Variants in ZNF423 observed in about 807,000 individuals in gnomAD.
ZNF423 encodes the protein zinc finger protein 423, also known as Ebf-associated zinc finger protein.
A neutral mutation model predicts 95.8 loss-of-function variants in ZNF423; 12 were observed. The observed-to-expected ratio is 0.13, with a 90% CI of 0.08 to 0.20. The LOEUF (loss-of-function observed/expected upper bound fraction) is 0.20, where lower values mean the gene tolerates loss of function less well. Among genes scored for constraint, ZNF423 ranks in the 10% least tolerant of loss-of-function variants. The pLI is 1.00. For missense variants in ZNF423, 1,316 were observed against 1,737.1 expected (o/e 0.76, Z 4.31); for synonymous variants, 749 against 711.9 (o/e 1.05, Z -0.83).
At chr16:49,631,546 G>A (rs1219003541) in intron 4 of ZNF423, among the ~76,000 whole-genome samples, 1 of 152,194 alleles carries the variant, frequency 6.6e-6, no homozygotes, top group Non-Finnish European at 1.5e-5. Flanking sequence ...CAGCCCAGGA[G>A]AACTAGAGCT....
At chr16:49,850,948 G>A (rs970532703) in intron 1 of ZNF423, among the ~76,000 whole-genome samples, 1 of 152,262 alleles carries the variant, frequency 6.6e-6, no homozygotes, top group African/African-American at 2.4e-5. Flanking sequence ...ACAAGTCTCA[G>A]ACCATTGTTG....
intron 3 of ZNF423, among the ~76,000 whole-genome samples, chr16:49,699,111 A>T (rs1474559434): frequency 1.3e-5 from 2 of 152,210 alleles, no homozygotes; most frequent in Non-Finnish European, 2.9e-5. Flanking sequence ...TCTGCCAAGG[A>T]GCCGACAGGC....
intron 2 of ZNF423, among the ~76,000 whole-genome samples, chr16:49,780,254 G>A (rs905345492): frequency 6.6e-6 from 1 of 152,218 alleles, no homozygotes; most frequent in African/African-American, 2.4e-5. Flanking sequence ...CGACGAGGAA[G>A]CCAAGTACAG....
chr16:49,835,103 C>T lies in ZNF423; in HGVS notation c.40+20632G>A, dbSNP rs555537646. ...TTGGCTCTTGCCCCAGAAAGTCAGTCCTTCACTTTCTCCCACCCCCTGGCC... is the reference window on the plus strand; with the variant it reads ...TTGGCTCTTGCCCCAGAAAGTCAGTTCTTCACTTTCTCCCACCCCCTGGCC... On this transcript the variant is annotated intron_variant, in intron 1 of 7. Coordinates refer to ENST00000563137, the MANE Select transcript of ZNF423 (RefSeq NM_001379286.1). Among the ~76,000 whole-genome samples, 6 of 152,170 alleles carry T rather than the reference C, an allele frequency of 3.9e-5. No individual in the cohort carries two copies. The East Asian group carries it at 9.7e-4, about 24-fold the overall frequency.
rs145072834 is a variant in ZNF423, at chr16:49,830,662, C to T, written c.40+25073G>A. ...TCCTGGTCTTTGGACACTGATGTGT[C>T]GGGGGGTGATGTCTGGCACCACAGC... On this transcript the variant is annotated intron_variant, in intron 1 of 7. Transcript: ENST00000563137. 2.8e-3 allele frequency among the ~76,000 whole-genome samples: 431 copies of T among 152,148 alleles called. 5 individuals are homozygous for T. The highest frequency in any genetic ancestry group is 9.3e-3 in the African/African-American group (387 of 41,508).
intron 5 of ZNF423, among the ~76,000 whole-genome samples, chr16:49,540,497 C>T (rs979279965): frequency 1.4e-4 from 21 of 151,842 alleles, no homozygotes; most frequent in African/African-American, 5.1e-4. Context: ...CCCAGGCTGG[C>T]CTCAAACTTC....
intron 1 of ZNF423, among the ~76,000 whole-genome samples, chr16:49,844,612 A>G (rs1490845621): frequency 2.0e-5 from 3 of 152,166 alleles, no homozygotes; most frequent in Admixed American, 6.5e-5. Flanking sequence ...TCCACTCATC[A>G]CTTATGAATC....
At chr16:49,752,920 C>CA (rs943555190) in intron 2 of ZNF423, among the ~76,000 whole-genome samples, 13 of 152,164 alleles carry the variant, frequency 8.5e-5, no homozygotes, top group Admixed American at 8.5e-4. Context: ...ACCGCAGAGA[C>CA]AAAATCCACT....
intron 5 of ZNF423, among the ~76,000 whole-genome samples, chr16:49,586,678 C>T (rs1216623222): frequency 1.3e-5 from 2 of 151,670 alleles, no homozygotes; most frequent in Non-Finnish European, 3.0e-5. Flanking sequence ...GCCAGGGGAT[C>T]TCTTAGGAGG....
At chr16:49,739,036 G>A (rs1567320917) in intron 2 of ZNF423, among the ~76,000 whole-genome samples, 1 of 151,992 alleles carries the variant, frequency 6.6e-6, no homozygotes, top group Non-Finnish European at 1.5e-5. Flanking sequence ...GACTGTCGGG[G>A]ATGACAGAGA....
Position 49,489,473 on chromosome 16 carries a change from C to G in ZNF423, c.*1802G>C, listed in dbSNP as rs953760335. 6.6e-6 allele frequency: 1 copy of G among 152,240 alleles called. No homozygotes were observed. The highest frequency in any genetic ancestry group is 1.5e-5 in the Non-Finnish European group (1 of 68,056). 9.4% of individuals were successfully genotyped at this position (152,240 alleles called of 1,614,324 possible). A position where few individuals can be genotyped will look rare whatever the true frequency, so the allele number is the denominator to read the frequency against. ...GCCTTCAGTTTCCAGGAGGCAACAGCCCACTACTGGCAGGGTCTGCTCTAT... is the reference window on the plus strand; with the variant it reads ...GCCTTCAGTTTCCAGGAGGCAACAGGCCACTACTGGCAGGGTCTGCTCTAT... On this transcript the variant is annotated 3_prime_UTR_variant, in exon 8 of 8. Coordinates refer to ENST00000563137, the MANE Select transcript of ZNF423 (RefSeq NM_001379286.1).
chr16:49,692,017 G>A (rs1567293463), intron 3 of ZNF423, among the ~76,000 whole-genome samples: 2 of 151,890 alleles, frequency 1.3e-5, no homozygotes, highest in Admixed American at 6.6e-5. Flanking sequence ...TGGTGCAATC[G>A]CGGCTCACTG....
intron 3 of ZNF423, among the ~76,000 whole-genome samples, chr16:49,651,273 G>A (rs1275476965): frequency 2.6e-5 from 4 of 151,230 alleles, no homozygotes; most frequent in Non-Finnish European, 5.9e-5. Context: ...GGATCCTCCT[G>A]CCTCAGCCTC....
chr16:49,654,736 A>T (rs1345683029), intron 3 of ZNF423, among the ~76,000 whole-genome samples: 3 of 152,234 alleles, frequency 2.0e-5, no homozygotes, highest in Non-Finnish European at 4.4e-5. Context: ...CAAATGAGAA[A>T]GTTAGCGCCC....
intron 1 of ZNF423, among the ~76,000 whole-genome samples, chr16:49,849,284 G>A (rs554323008): frequency 1.6e-4 from 25 of 152,228 alleles, no homozygotes; most frequent in Admixed American, 1.4e-3. Context: ...CAGCCTCTGA[G>A]ATACAAATGC....
intron 1 of ZNF423, among the ~76,000 whole-genome samples, chr16:49,836,110 A>AC (rs539150618): frequency 1.1e-4 from 16 of 151,294 alleles, no homozygotes; most frequent in South Asian, 2.1e-4. Flanking sequence ...AGAAAGGAGG[A>AC]CCCCCCCAGC....
intron 7 of ZNF423, among the ~76,000 whole-genome samples, chr16:49,495,385 A>G (rs1967122223): frequency 6.6e-6 from 1 of 152,182 alleles, no homozygotes; most frequent in South Asian, 2.1e-4. Context: ...TGCTGGGGGC[A>G]GGCCTACCCT....
At chr16:49,643,282 G>A (rs1287272863) in intron 3 of ZNF423, among the ~76,000 whole-genome samples, 2 of 152,094 alleles carry the variant, frequency 1.3e-5, no homozygotes, top group Non-Finnish European at 2.9e-5. Flanking sequence ...CTGTTCAGTC[G>A]CTACATTTTT....
intron 3 of ZNF423, among the ~76,000 whole-genome samples, chr16:49,717,241 A>T (rs2143213943): frequency 6.6e-6 from 1 of 152,284 alleles, no homozygotes; most frequent in African/African-American, 2.4e-5. Flanking sequence ...ACACAGAGGC[A>T]TCTTACCCAG....
Sources: gnomAD v4.1 joint callset for allele counts (sites outside exome capture counted in the v4.1 genomes callset) on GRCh38, gnomAD v4.1.1 for gene constraint, MANE v1.5 for transcripts, NCBI Gene and HGNC (gene_info 2026-07-23, HGNC 2026-07-21) for gene names.